ASAP2: variants seen among roughly 807,000 people sequenced by gnomAD.
The protein encoded by ASAP2 is ArfGAP with SH3 domain, ankyrin repeat and PH domain 2.
Under a neutral mutation model 131.4 loss-of-function variants are expected in ASAP2, and 45 were observed. That is an observed-to-expected ratio of 0.34 (90% confidence interval 0.27 to 0.44). ASAP2 has a LOEUF of 0.44. Ranked by LOEUF, ASAP2 falls within the 20% of genes least tolerant of loss-of-function variation. The pLI is 1.00. For missense variants in ASAP2, 1,011 were observed against 1,297.0 expected, an observed-to-expected ratio of 0.78 and a Z score of 3.39; for synonymous variants, 510 against 503.0, an observed-to-expected ratio of 1.01 and a Z score of -0.19.
At position 9,293,830 on chromosome 2, in the gene ASAP2, A is replaced by G. The variant is rs116348394; in HGVS notation, c.200-3470A>G. ...TGCACAAAGATTCCCACTGACCTCA[A>G]CTGGTACAGTGTGAGCATCAGAAGA... On this transcript the variant is annotated intron_variant, in intron 2 of 27. Transcript: ENST00000281419. 5.2e-3 allele frequency among the ~76,000 whole-genome samples: 786 copies of G among 152,274 alleles called. 7 individuals carry two copies. The highest frequency in any genetic ancestry group is 0.018 in the African/African-American group (750 of 41,554).
intron 16 of ASAP2, among the ~76,000 whole-genome samples, chr2:9,369,199 A>T (rs912058918): frequency 5.9e-5 from 9 of 151,976 alleles, no homozygotes; most frequent in African/African-American, 2.2e-4. Flanking sequence ...TTATATTTTT[A>T]GTAGAGACAG....
intron 3 of ASAP2, among the ~76,000 whole-genome samples, chr2:9,299,498 T>G (rs2148404286): frequency 6.6e-6 from 1 of 152,304 alleles, no homozygotes; most frequent in East Asian, 1.9e-4. Context: ...CTAAAGGATG[T>G]GTTTTAGTAA....
intron 1 of ASAP2, among the ~76,000 whole-genome samples, chr2:9,274,861 A>G (rs2148282876): frequency 6.6e-6 from 1 of 152,254 alleles, no homozygotes; most frequent in South Asian, 2.1e-4. Context: ...AGGAAGCACT[A>G]CTTCCTCTTT....
At chr2:9,223,538 C>A (rs1248945068) in intron 1 of ASAP2, among the ~76,000 whole-genome samples, 1 of 152,128 alleles carries the variant, frequency 6.6e-6, no homozygotes, top group Non-Finnish European at 1.5e-5. Flanking sequence ...ATGTGTATTT[C>A]AGAAATTTGT....
intron 9 of ASAP2, among the ~76,000 whole-genome samples, chr2:9,336,200 T>C (rs1299169217): frequency 6.6e-6 from 1 of 152,132 alleles, no homozygotes; most frequent in Non-Finnish European, 1.5e-5. Context: ...GGCTGAAGAG[T>C]TTGCATAAAT....
At position 9,375,984 on chromosome 2, in the gene ASAP2, T is replaced by C. The variant is rs546653047; in HGVS notation, c.1747-924T>C. ...GTAACATACCAGCACCCAAGTGGGG[T>C]GGCATGTGTCCAGATTCTGGTCCAC... On this transcript the variant is annotated intron_variant, in intron 17 of 27. Coordinates refer to ENST00000281419, the MANE Select transcript of ASAP2 (RefSeq NM_003887.3). 6.6e-5 allele frequency among the ~76,000 whole-genome samples: 10 copies of C among 152,300 alleles called. No individual in the cohort carries two copies. In the South Asian group the frequency reaches 1.7e-3, roughly 25 times the overall value.
intron 1 of ASAP2, among the ~76,000 whole-genome samples, chr2:9,243,665 T>G (rs549762433): frequency 1.3e-5 from 2 of 152,154 alleles, no homozygotes; most frequent in African/African-American, 2.4e-5. Flanking sequence ...CAGAAGCTTG[T>G]TTTATCTTAC....
At chr2:9,380,930 G>A in intron 20 of ASAP2, 122 bp downstream of exon 20, 1 of 1,083,214 alleles carries the variant, frequency 9.2e-7, no homozygotes, top group Non-Finnish European at 1.3e-6. Context: ...TGTTTCTGAT[G>A]GGATGAGCCG....
At chr2:9,293,438 T>C (rs1427155984) in intron 2 of ASAP2, among the ~76,000 whole-genome samples, 1 of 152,246 alleles carries the variant, frequency 6.6e-6, no homozygotes, top group Non-Finnish European at 1.5e-5. Context: ...GGTGAGAGTG[T>C]GAGCTCTTTT....
Position 9,207,239 on chromosome 2 carries a change from G to C in ASAP2, c.126+9G>C. The C allele has an allele frequency of 6.4e-7, 1 of 1,564,314 alleles. No homozygotes were observed. Among genetic ancestry groups the C allele is most frequent in the African/African-American group, 1.4e-5 (1 of 72,808 alleles). ...TGGCGGCCATCGAGGAGGTGAGGCG[G>C]CCTGCGCGGCGGCTCCGGCCGCAGG... is the stretch of plus-strand genomic sequence containing the variant. On this transcript the variant is annotated intron_variant, in intron 1 of 27. Coordinates refer to ENST00000281419, the MANE Select transcript of ASAP2 (RefSeq NM_003887.3). This position sits in a 1 kb window ranked among gnomAD's most constrained non-coding sequence, Gnocchi z 4.1.
intron 1 of ASAP2, among the ~76,000 whole-genome samples, chr2:9,259,244 T>C (rs1665406579): frequency 6.6e-6 from 1 of 152,236 alleles, no homozygotes; most frequent in South Asian, 2.1e-4. Context: ...AGCCCTTCCT[T>C]GGGGAGAAAC....
rs1667140080 is a variant in ASAP2 at position 9,281,746 on chromosome 2, A to G, written c.199+2357A>G. 2.6e-5 allele frequency among the ~76,000 whole-genome samples: 4 copies of G among 152,198 alleles called. No individual in the cohort carries two copies. The South Asian group carries it at 8.3e-4, about 32-fold the overall frequency. ...ATCCAAAGATTTTAATGTGCTAGTA[A>G]TGTGGATTGTGAGTGGTTATCGTTC... On this transcript the variant is annotated intron_variant, in intron 2 of 27. Transcript: ENST00000281419. This position sits in a 1 kb window ranked among gnomAD's most constrained non-coding sequence, Gnocchi z 4.0.
chr2:9,300,067 AC>A (rs1668386814), intron 3 of ASAP2, among the ~76,000 whole-genome samples: 1 of 152,156 alleles, frequency 6.6e-6, no homozygotes, highest in South Asian at 2.1e-4. Flanking sequence ...CCCTGTTTCT[AC>A]AAAAAAATAC....
chr2:9,300,632 T>C (rs996914892), intron 3 of ASAP2, among the ~76,000 whole-genome samples: 1 of 152,228 alleles, frequency 6.6e-6, no homozygotes, highest in African/African-American at 2.4e-5. Context: ...TGAAGGATAC[T>C]CTGTTTCATT....
At chr2:9,264,832 C>A (rs564771034) in intron 1 of ASAP2, among the ~76,000 whole-genome samples, 1 of 152,070 alleles carries the variant, frequency 6.6e-6, no homozygotes, top group Admixed American at 6.6e-5. Flanking sequence ...AAAACTAATA[C>A]AGCAATTTAA....
chr2:9,379,308 G>C (rs926284809), intron 19 of ASAP2, among the ~76,000 whole-genome samples: 1 of 152,180 alleles, frequency 6.6e-6, no homozygotes. Flanking sequence ...ACAAGCAAAG[G>C]GTGGGTCTTG....
At chr2:9,277,251 C>T (rs1666821264) in intron 1 of ASAP2, among the ~76,000 whole-genome samples, 1 of 152,216 alleles carries the variant, frequency 6.6e-6, no homozygotes, top group Non-Finnish European at 1.5e-5. Flanking sequence ...TGGCACAGCC[C>T]TGAGCACAAC....
In ASAP2 at chr2:9,358,728, C is replaced by G. The variant is rs767487986; in HGVS notation, c.1328-28C>G. The G allele has an allele frequency of 6.9e-6, 11 of 1,596,812 alleles. No individual in the cohort carries two copies. The South Asian group carries it at 1.2e-4, about 18-fold the overall frequency. On this transcript the variant is annotated intron_variant, in intron 14 of 27. Coordinates refer to ENST00000281419, the MANE Select transcript of ASAP2 (RefSeq NM_003887.3). ...TCCTGACCCTCTTTTTTACTGGAAGCTCAAATCTGCCCTGTTCTCTTTGGC... is the reference window on the plus strand; with the variant it reads ...TCCTGACCCTCTTTTTTACTGGAAGGTCAAATCTGCCCTGTTCTCTTTGGC...
At chr2:9,355,488 G>C (rs36107587) in intron 12 of ASAP2, among the ~76,000 whole-genome samples, 1 of 152,188 alleles carries the variant, frequency 6.6e-6, no homozygotes, top group Non-Finnish European at 1.5e-5. Context: ...CAGGTCCACA[G>C]CCTGGCAAAA....
Sources: allele counts gnomAD v4.1 joint callset (sites outside exome capture counted in the v4.1 genomes callset), GRCh38; gene constraint gnomAD v4.1.1; non-coding constraint Gnocchi (gnomAD v3.1); transcripts MANE v1.5; gene names NCBI Gene and HGNC (gene_info 2026-07-23, HGNC 2026-07-21).